The following AGMAT variants were observed in gnomAD, a reference collection of about 807,000 sequenced individuals.
AGMAT encodes the protein guanidino acid hydrolase, mitochondrial.
AGMAT carries 37 observed loss-of-function variants against 29.3 expected under a neutral mutation model. The ratio of observed to expected loss-of-function variants is 1.26; its 90% CI spans 0.97 to 1.66. The LOEUF (loss-of-function observed/expected upper bound fraction) is 1.66. Ranked by LOEUF, AGMAT falls within the 40% of genes most tolerant of loss-of-function variation. The pLI is 0.00. For synonymous variants in AGMAT, 199 were observed against 200.8 expected (o/e 0.99, Z 0.08); for missense variants, 498 against 497.8 (o/e 1.00, Z 0.00).
At position 15,572,736 on chromosome 1, in the gene AGMAT, C is replaced by T. The variant is rs935654392; in HGVS notation, c.*915G>A. 1 of 151,882 alleles carries T rather than the reference C, an allele frequency of 6.6e-6. No individual in the cohort carries two copies. Among genetic ancestry groups the T allele is most frequent in the East Asian group, 1.9e-4 (1 of 5,178 alleles). 9.4% of individuals were successfully genotyped at this position (151,882 alleles called of 1,614,324 possible). On this transcript the variant is annotated 3_prime_UTR_variant, in exon 7 of 7. Coordinates refer to ENST00000375826, the MANE Select transcript of AGMAT (RefSeq NM_024758.5). ...CAAGAAGTTTCTTCATTAGGCTCTC[C>T]GTGTTACTTTATACTTTTTACTTAC...
At position 15,584,994 on chromosome 1, in the gene AGMAT, ACCAAACCGCCCG is replaced by A; in HGVS notation, c.-39_-28del. On this transcript the variant is annotated 5_prime_UTR_variant, in exon 1 of 7. Transcript: ENST00000375826. The stretch of plus-strand genomic sequence containing the variant: ...GCCGCGCGCGGCCAAGACCTCACCG[ACCAAACCGCCCG>A]CGAGGCCGCCGCGATCTGGCTGGTC... The A allele has an allele frequency of 7.7e-7, 1 of 1,291,444 alleles. No homozygotes were observed. 80.0% of individuals were successfully genotyped at this position (1,291,444 alleles called of 1,614,324 possible).
chr1:15,573,439 CT>C lies in AGMAT; in HGVS notation c.*211del, dbSNP rs111577791. On this transcript the variant is annotated 3_prime_UTR_variant, in exon 7 of 7. Coordinates refer to ENST00000375826, the MANE Select transcript of AGMAT (RefSeq NM_024758.5). ...AAAAATCAAAGCAGTACAAGTACTC[CT>C]TTTTTTTTCCCCCAATTAATCCAAG... 5.6e-4 allele frequency: 289 copies of C among 515,040 alleles called. No homozygotes were observed. Among genetic ancestry groups the C allele is most frequent in the Middle Eastern group, 1.1e-3 (2 of 1,874 alleles). The allele number at this position is 515,040 out of a possible 1,614,324, so 31.9% of individuals were successfully genotyped here.
intron 5 of AGMAT, among the ~76,000 whole-genome samples, chr1:15,576,850 T>C (rs940788862): frequency 2.8e-5 from 4 of 143,092 alleles, no homozygotes; most frequent in African/African-American, 7.7e-5. Flanking sequence ...CCCGGGTTCA[T>C]GCCATTCTCC....
chr1:15,581,663 C>T (rs1639115740), intron 2 of AGMAT, among the ~76,000 whole-genome samples: 1 of 151,402 alleles, frequency 6.6e-6, no homozygotes, highest in South Asian at 2.1e-4. Context: ...CACCTGAGGT[C>T]AGGAGTTCGA....
At chr1:15,576,589 C>T (rs1307145931) in intron 5 of AGMAT, among the ~76,000 whole-genome samples, 1 of 151,440 alleles carries the variant, frequency 6.6e-6, no homozygotes, top group African/African-American at 2.4e-5. Context: ...GCCACCGTGC[C>T]GGGCTGATTT....
At position 15,571,833 on chromosome 1, in the gene AGMAT, C is replaced by T. The variant is rs1455112969; in HGVS notation, c.*1818G>A. The T allele has an allele frequency of 6.6e-6, 1 of 152,110 alleles. No individual in the cohort carries two copies. The highest frequency in any genetic ancestry group is 2.4e-5 in the African/African-American group (1 of 41,420). 9.4% of individuals were successfully genotyped at this position (152,110 alleles called of 1,614,324 possible). ...GAACTCAAGACACGCTTAAGATCAC[C>T]ACAGCATAACTGCAGATTTCAGGAA... On this transcript the variant is annotated 3_prime_UTR_variant, in exon 7 of 7. Coordinates refer to ENST00000375826, the MANE Select transcript of AGMAT (RefSeq NM_024758.5).
Position 15,577,667 on chromosome 1 carries a change from C to G in AGMAT, c.900+18G>C. The G allele has an allele frequency of 3.1e-6, 5 of 1,597,616 alleles. No individual in the cohort carries two copies. Among genetic ancestry groups the G allele is most frequent in the Non-Finnish European group, 4.3e-6 (5 of 1,167,414 alleles). Reference sequence around the variant, plus strand: ...AGTGTCTCCACCCCCAGGATCTTCACTGGTGGAATCTCCTTACCTGACTAG... The same window carrying G: ...AGTGTCTCCACCCCCAGGATCTTCAGTGGTGGAATCTCCTTACCTGACTAG... On this transcript the variant is annotated intron_variant, in intron 5 of 6. Transcript: ENST00000375826.
In AGMAT at chr1:15,584,838, G is replaced by A; in HGVS notation, c.130C>T (p.Pro44Ser). 7.0e-7 allele frequency: 1 copy of A among 1,432,554 alleles called. No homozygotes were observed. Among genetic ancestry groups the A allele is most frequent in the Non-Finnish European group, 9.1e-7 (1 of 1,097,862 alleles). 88.7% of individuals were successfully genotyped at this position (1,432,554 alleles called of 1,614,324 possible). ...CGGGCCACGAACTCGGGGCTGGGGG[G>A]CTGGTTCCGGGGCGCGTCGGAAGCC... ...RQASDAPRNQ[P>S]PSPEFVARPV... Residue 44 changes from proline (P) to serine (S), a missense_variant, in exon 1 of 7, where the codon CCC becomes TCC. Pro to Ser is a moderately conservative substitution (Grantham distance 74, BLOSUM62 -1). Coordinates refer to ENST00000375826, the MANE Select transcript of AGMAT (RefSeq NM_024758.5).
At chr1:15,577,624 C>T in intron 5 of AGMAT, 61 bp downstream of exon 5, 1 of 1,487,234 alleles carries the variant, frequency 6.7e-7, no homozygotes, top group Non-Finnish European at 9.2e-7. Context: ...GCTTCAAGTC[C>T]CAGGAAAATG....
rs59203066 is a variant in AGMAT at position 15,576,740 on chromosome 1, C to CTTTTTTTTTTTTTTTTTTTTTTTTT, written c.900+920_900+944dup. Among the ~76,000 whole-genome samples, 15 of 35,800 alleles carry CTTTTTTTTTTTTTTTTTTTTTTTTT rather than the reference C, an allele frequency of 4.2e-4. 6 individuals carry two copies. The highest frequency in any genetic ancestry group is 3.9e-3 in the East Asian group (2 of 514). The allele number at this position is 35,800 out of a possible 152,430, so 23.5% of individuals were successfully genotyped here. On this transcript the variant is annotated intron_variant, in intron 5 of 6. Transcript: ENST00000375826. ...ACGACACCTGGCCAAGTTTAGTGTT[C>CTTTTTTTTTTTTTTTTTTTTTTTTT]TTTTTTTTTTTTTTTTTTTTTTTTT...
intron 5 of AGMAT, among the ~76,000 whole-genome samples, chr1:15,576,740 C>CTTTTTTGTTTTTTTTTTTTTTTTTTT (rs1639044248): frequency 5.6e-5 from 2 of 35,796 alleles, no homozygotes; most frequent in Non-Finnish European, 1.0e-4. Context: ...GTTTAGTGTT[C>CTTTTTTGTTTTTTTTTTTTTTTTTTT]TTTTTTTTTT....
chr1:15,576,896 C>T (rs1036419780), intron 5 of AGMAT, among the ~76,000 whole-genome samples: 1 of 150,632 alleles, frequency 6.6e-6, no homozygotes, highest in African/African-American at 2.4e-5. Flanking sequence ...ATTACAGGCA[C>T]CCGCCACCGC....
At chr1:15,583,476 G>A in intron 1 of AGMAT, 81 bp from the exon 2 acceptor site, 2 of 1,307,692 alleles carry the variant, frequency 1.5e-6, no homozygotes, top group African/African-American at 1.5e-5. Context: ...CTCAGCCTCA[G>A]CAATTTGGGG....
Position 15,577,856 on chromosome 1 carries a change from C to T in AGMAT, c.729G>A (p.Arg243=). 1 of 1,614,014 alleles carries T rather than the reference C, an allele frequency of 6.2e-7. No homozygotes were observed. The highest frequency in any genetic ancestry group is 1.1e-5 in the South Asian group (1 of 91,080). ...TCCAGCAGTCTTCAGCCAGGACTACCCGGAAGCCCTGCAGAGACAGGGACT... is the reference window on the plus strand; with the variant it reads ...TCCAGCAGTCTTCAGCCAGGACTACTCGGAAGCCCTGCAGAGACAGGGACT... ...PYRYNRSQGF[R]VVLAEDCWMK... The change falls in exon 5 of 7, where the codon CGG becomes CGA. Residue 243 remains arginine (R), a synonymous_variant. Transcript: ENST00000375826.
Position 15,579,142 on chromosome 1 carries a change from T to C in AGMAT, c.525-88A>G. On this transcript the variant is annotated intron_variant, in intron 3 of 6. Coordinates refer to ENST00000375826, the MANE Select transcript of AGMAT (RefSeq NM_024758.5). Reference sequence around the variant, plus strand: ...TCGGGCCACCAAAACTTGGTGACAATTCACAGCCAAAAAGGGGAGACCTGG... The same window carrying C: ...TCGGGCCACCAAAACTTGGTGACAACTCACAGCCAAAAAGGGGAGACCTGG... The C allele has an allele frequency of 2.2e-6, 3 of 1,344,640 alleles. No individual in the cohort carries two copies. The Admixed American group carries it at 6.9e-5, about 31-fold the overall frequency. 83.3% of individuals were successfully genotyped at this position (1,344,640 alleles called of 1,614,324 possible). A position where few individuals can be genotyped will look rare whatever the true frequency, so the allele number is the denominator to read the frequency against.
chr1:15,577,446 G>A (rs1377405409), intron 5 of AGMAT, among the ~76,000 whole-genome samples: 1 of 152,126 alleles, frequency 6.6e-6, no homozygotes, highest in Non-Finnish European at 1.5e-5. Context: ...AGTGGCATGT[G>A]CCTGTAATCT....
chr1:15,580,794 G>A (rs987864396), intron 2 of AGMAT, among the ~76,000 whole-genome samples: 2 of 152,026 alleles, frequency 1.3e-5, no homozygotes, highest in Admixed American at 1.3e-4. Context: ...TGACCAACAT[G>A]GAGAAACCCC....
At chr1:15,574,713 A>T in intron 6 of AGMAT, 44 bp downstream of exon 6, 1 of 1,535,700 alleles carries the variant, frequency 6.5e-7, no homozygotes, top group African/African-American at 1.4e-5. Flanking sequence ...CGTGTAATTT[A>T]AGCTACCGGC....
chr1:15,571,821 G>A lies in AGMAT; in HGVS notation c.*1830C>T, dbSNP rs1192249487. On this transcript the variant is annotated 3_prime_UTR_variant, in exon 7 of 7. Transcript: ENST00000375826. ...TGAATTTGCATGGAACTCAAGACACGCTTAAGATCACCACAGCATAACTGC... is the reference window on the plus strand; with the variant it reads ...TGAATTTGCATGGAACTCAAGACACACTTAAGATCACCACAGCATAACTGC... The A allele has an allele frequency of 2.6e-5, 4 of 152,130 alleles. No homozygotes were observed. Among genetic ancestry groups the A allele is most frequent in the Admixed American group, 2.6e-4 (4 of 15,258 alleles). 9.4% of individuals were successfully genotyped at this position (152,130 alleles called of 1,614,324 possible). A position where few individuals can be genotyped will look rare whatever the true frequency, so the allele number is the denominator to read the frequency against.
Sources: gnomAD v4.1 joint callset for allele counts (sites outside exome capture counted in the v4.1 genomes callset) on GRCh38, gnomAD v4.1.1 for gene constraint, MANE v1.5 for transcripts, NCBI Gene and HGNC (gene_info 2026-07-23, HGNC 2026-07-21) for gene names.